PTK2B: variants seen among roughly 807,000 people sequenced by gnomAD.
The protein encoded by PTK2B is protein tyrosine kinase 2 beta, also known as protein-tyrosine kinase 2-beta.
PTK2B carries 71 observed loss-of-function variants against 142.9 expected under a neutral mutation model. The observed-to-expected ratio is 0.50, with a 90% CI of 0.41 to 0.61. PTK2B has a LOEUF of 0.61. PTK2B is among the 20% of genes least tolerant of loss of function. The pLI is 0.00. For synonymous variants in PTK2B, 519 were observed against 503.4 expected (o/e 1.03, Z -0.42); for missense variants, 1,105 against 1,320.4 (o/e 0.84, Z 2.53).
At chr8:27,386,727 C>T (rs1343501838) in intron 1 of PTK2B, among the ~76,000 whole-genome samples, 1 of 152,104 alleles carries the variant, frequency 6.6e-6, no homozygotes, top group Non-Finnish European at 1.5e-5. Flanking sequence ...TTGGCGTATA[C>T]TAGGTTTGCA....
At chr8:27,437,681 G>C (rs896520188) in intron 17 of PTK2B, 84 bp from the exon 18 acceptor site, 9 of 1,380,348 alleles carry the variant, frequency 6.5e-6, no homozygotes, top group Non-Finnish European at 9.1e-6. Flanking sequence ...CCCAGGGAAG[G>C]GTCAGGGGTT....
intron 11 of PTK2B, 97 bp from the exon 12 acceptor site, chr8:27,433,996 G>T: frequency 1.4e-6 from 2 of 1,438,358 alleles, no homozygotes; most frequent in Non-Finnish European, 9.8e-7. Context: ...GGCTGGGATG[G>T]GAGGAGAGTC....
chr8:27,331,786 A>G (rs1472234081), intron 1 of PTK2B, among the ~76,000 whole-genome samples: 1 of 152,142 alleles, frequency 6.6e-6, no homozygotes, highest in African/African-American at 2.4e-5. Flanking sequence ...CACACCCTAA[A>G]TTAATGTACT....
rs570689022 is a variant in PTK2B, at chr8:27,430,784, G to A, written c.670-92G>A. The stretch of plus-strand genomic sequence containing the variant: ...GGCAAAGGCCCTGGGGATCATTTTC[G>A]AGCAGTGGGCAGTCTCTCAGCGAGA... On this transcript the variant is annotated intron_variant, in intron 7 of 30. Coordinates refer to ENST00000346049, the MANE Select transcript of PTK2B (RefSeq NM_173176.3). 8.1e-5 allele frequency: 122 copies of A among 1,501,162 alleles called. 1 individual carries two copies. In the East Asian group the frequency reaches 2.6e-3, roughly 32 times the overall value. The allele number at this position is 1,501,162 out of a possible 1,614,324, so 93.0% of individuals were successfully genotyped here.
intron 3 of PTK2B, among the ~76,000 whole-genome samples, chr8:27,315,859 A>G (rs934834403): frequency 2.6e-5 from 4 of 152,136 alleles, no homozygotes; most frequent in Admixed American, 1.3e-4. Flanking sequence ...TTCCTCCACT[A>G]TAAAAGAAAA....
At chr8:27,429,246 C>T (rs558299448) in intron 5 of PTK2B, among the ~76,000 whole-genome samples, 96 of 152,320 alleles carry the variant, frequency 6.3e-4, no homozygotes, top group South Asian at 6.2e-3. Flanking sequence ...GTCTAAAAGT[C>T]ATTGCTTTTG....
chr8:27,441,742 G>A (rs1208374163), intron 21 of PTK2B, among the ~76,000 whole-genome samples: 2 of 152,230 alleles, frequency 1.3e-5, no homozygotes, highest in East Asian at 1.9e-4. Context: ...GGTTTGAGAA[G>A]TCAAAAGGCT....
rs754539892 is a variant in PTK2B at position 27,430,971 on chromosome 8, C to A, written c.765C>A (p.Ala255=). ...TCATGAAGTTCTTCAACACTCTCGC[C>A]GGCTTCGCCAACATCGACCAGGAGA... ...ECVMKFFNTL[A]GFANIDQETY... is the part of the protein sequence containing the mutation. Residue 255 remains alanine (A), a synonymous_variant, in exon 8 of 31, where the codon GCC becomes GCA. Coordinates refer to ENST00000346049, the MANE Select transcript of PTK2B (RefSeq NM_173176.3). The A allele has an allele frequency of 3.7e-6, 6 of 1,614,174 alleles. No individual in the cohort carries two copies. The highest frequency in any genetic ancestry group is 5.1e-6 in the Non-Finnish European group (6 of 1,180,038).
intron 5 of PTK2B, among the ~76,000 whole-genome samples, chr8:27,428,208 G>T (rs114289031): frequency 6.6e-6 from 1 of 152,258 alleles, no homozygotes; most frequent in East Asian, 1.9e-4. Flanking sequence ...TCTGACAGGA[G>T]ATGGAGCTCA....
chr8:27,437,301 G>A, intron 16 of PTK2B, 95 bp downstream of exon 16: 1 of 1,533,576 alleles, frequency 6.5e-7, no homozygotes, highest in Non-Finnish European at 9.0e-7. Context: ...TGTTGGAGGA[G>A]GGGTTCCCGT....
intron 3 of PTK2B, among the ~76,000 whole-genome samples, chr8:27,315,793 T>C (rs1803082140): frequency 6.6e-6 from 1 of 152,224 alleles, no homozygotes. Flanking sequence ...GTCCAAGCTC[T>C]ACCACTACCC....
chr8:27,391,464 G>A (rs977768987), intron 1 of PTK2B, among the ~76,000 whole-genome samples: 23 of 152,182 alleles, frequency 1.5e-4, no homozygotes, highest in Admixed American at 9.2e-4. Flanking sequence ...CCCCTCTGGT[G>A]TCTGCCTCCC....
At chr8:27,367,286 T>G (rs1462887892) in intron 1 of PTK2B, among the ~76,000 whole-genome samples, 1 of 152,210 alleles carries the variant, frequency 6.6e-6, no homozygotes, top group African/African-American at 2.4e-5. Context: ...CAGCTCTGCC[T>G]GAGAGACCCT....
chr8:27,437,675 G>T, intron 17 of PTK2B, 90 bp from the exon 18 acceptor site: 1 of 1,363,780 alleles, frequency 7.3e-7, no homozygotes. Context: ...ACCGCCCCCA[G>T]GGAAGGGTCA....
chr8:27,415,171 T>A (rs1225753299), intron 2 of PTK2B, among the ~76,000 whole-genome samples: 1 of 152,168 alleles, frequency 6.6e-6, no homozygotes, highest in African/African-American at 2.4e-5. Flanking sequence ...CATTCCAAAT[T>A]GGTACTATTA....
intron 2 of PTK2B, among the ~76,000 whole-genome samples, chr8:27,410,587 A>G (rs1171215602): frequency 6.6e-6 from 1 of 152,250 alleles, no homozygotes; most frequent in Non-Finnish European, 1.5e-5. Flanking sequence ...AAAAAAGCCA[A>G]AAAGATTAGG....
At chr8:27,424,362 G>A (rs968126805) in intron 5 of PTK2B, among the ~76,000 whole-genome samples, 12 of 152,192 alleles carry the variant, frequency 7.9e-5, no homozygotes, top group East Asian at 3.9e-4. Context: ...CAAGGCATCC[G>A]ACATGACTCC....
chr8:27,353,668 G>A (rs1805231898), intron 1 of PTK2B, among the ~76,000 whole-genome samples: 1 of 152,200 alleles, frequency 6.6e-6, no homozygotes, highest in South Asian at 2.1e-4. Context: ...GGGTAGGGCT[G>A]TTCCCAGGGG....
At chr8:27,389,202 A>C (rs530292509) in intron 1 of PTK2B, among the ~76,000 whole-genome samples, 1 of 152,170 alleles carries the variant, frequency 6.6e-6, no homozygotes, top group Admixed American at 6.5e-5. Context: ...TCTTCTGTTT[A>C]TCTTCATAGC....
Sources: gnomAD v4.1 joint callset for allele counts (sites outside exome capture counted in the v4.1 genomes callset) on GRCh38, gnomAD v4.1.1 for gene constraint, MANE v1.5 for transcripts, NCBI Gene and HGNC (gene_info 2026-07-23, HGNC 2026-07-21) for gene names.